SEPTIN10: variants seen among roughly 807,000 people sequenced by gnomAD.
SEPTIN10 encodes septin 10.
Under a neutral mutation model 54.8 loss-of-function variants are expected in SEPTIN10, and 66 were observed. That is an observed-to-expected ratio of 1.21 (90% CI 0.99 to 1.48). The LOEUF is 1.48. Ranked by LOEUF, SEPTIN10 falls within the 40% of genes most tolerant of loss-of-function variation. SEPTIN10 has a pLI of 0.00. For synonymous variants in SEPTIN10, 161 were observed against 181.0 expected (o/e 0.89, Z 0.89); for missense variants, 620 against 545.6 (o/e 1.14, Z -1.36).
intron 9 of SEPTIN10, among the ~76,000 whole-genome samples, chr2:109,550,297 C>CAAA (rs1317740438): frequency 1.3e-5 from 2 of 148,564 alleles, no homozygotes; most frequent in Non-Finnish European, 3.0e-5. Context: ...TCTCAAAAAA[C>CAAA]AAAAAAAAAG....
intron 1 of SEPTIN10, among the ~76,000 whole-genome samples, chr2:109,594,206 G>A (rs964608343): frequency 3.3e-5 from 5 of 152,096 alleles, no homozygotes; most frequent in African/African-American, 9.6e-5. Flanking sequence ...TCCTACTTCT[G>A]AATACAGCAC....
At chr2:109,564,824 T>C (rs1194602468) in intron 7 of SEPTIN10, among the ~76,000 whole-genome samples, 1 of 152,224 alleles carries the variant, frequency 6.6e-6, no homozygotes, top group Non-Finnish European at 1.5e-5. Flanking sequence ...GTTAACCAAG[T>C]GTTCTAGTTA....
chr2:109,607,234 C>T (rs2043462), intron 1 of SEPTIN10, among the ~76,000 whole-genome samples: 69,340 of 151,926 alleles, frequency 0.46, 16,245 homozygotes, highest in African/African-American at 0.56. Context: ...TGGAGTAAGA[C>T]TACAGTCTCC....
At chr2:109,544,602 TA>T (rs1469839055) in intron 10 of SEPTIN10, 1 of 964,402 alleles carries the variant, frequency 1.0e-6, no homozygotes, top group Non-Finnish European at 1.2e-6. Context: ...ATCTTTCATA[TA>T]GGGGAAAAAA....
At chr2:109,612,916 T>C (rs56360441) in intron 1 of SEPTIN10, among the ~76,000 whole-genome samples, 6,818 of 152,310 alleles carry the variant, frequency 0.045, 533 homozygotes, top group African/African-American at 0.16. Context: ...CTGAACTGTT[T>C]CTACAATTTA....
intron 4 of SEPTIN10, among the ~76,000 whole-genome samples, chr2:109,580,481 A>C (rs970444169): frequency 1.3e-5 from 2 of 151,906 alleles, no homozygotes; most frequent in Admixed American, 6.6e-5. Flanking sequence ...AAACAAAAAA[A>C]CCACAACAAA....
At chr2:109,571,640 A>C (rs1453219913) in intron 5 of SEPTIN10, among the ~76,000 whole-genome samples, 16 of 152,234 alleles carry the variant, frequency 1.1e-4, no homozygotes. Flanking sequence ...CTTGCTGACT[A>C]AAATGTAGTT....
intron 2 of SEPTIN10, among the ~76,000 whole-genome samples, chr2:109,589,873 T>C (rs1031947054): frequency 2.0e-5 from 3 of 152,032 alleles, no homozygotes; most frequent in Admixed American, 1.3e-4. Flanking sequence ...AAGTGGTGAA[T>C]AGATAAACAA....
At chr2:109,550,480 AT>A (rs1476646597) in intron 9 of SEPTIN10, among the ~76,000 whole-genome samples, 2 of 151,230 alleles carry the variant, frequency 1.3e-5, no homozygotes, top group Non-Finnish European at 3.0e-5. Flanking sequence ...TGCCTGGCTA[AT>A]TTTTGTATTT....
intron 1 of SEPTIN10, among the ~76,000 whole-genome samples, chr2:109,608,212 C>A (rs28616632): frequency 1.3e-5 from 2 of 152,112 alleles, no homozygotes; most frequent in Non-Finnish European, 2.9e-5. Flanking sequence ...ATATATGCAG[C>A]TAAGGAAAAA....
intron 5 of SEPTIN10, among the ~76,000 whole-genome samples, chr2:109,569,760 G>A (rs1165634437): frequency 6.6e-6 from 1 of 152,130 alleles, no homozygotes; most frequent in Non-Finnish European, 1.5e-5. Context: ...GCAGTAGACT[G>A]AATACTAAAC....
chr2:109,596,240 G>C (rs544825487), intron 1 of SEPTIN10, among the ~76,000 whole-genome samples: 1 of 152,250 alleles, frequency 6.6e-6, no homozygotes, highest in South Asian at 2.1e-4. Flanking sequence ...GTGGTTTTTA[G>C]TTTTTAATAT....
chr2:109,607,725 G>C (rs1256749507), intron 1 of SEPTIN10, among the ~76,000 whole-genome samples: 1 of 152,214 alleles, frequency 6.6e-6, no homozygotes, highest in South Asian at 2.1e-4. Flanking sequence ...AAAAGGCAAA[G>C]TTTAGTCTTT....
chr2:109,551,289 C>G (rs1331402217), intron 9 of SEPTIN10, among the ~76,000 whole-genome samples: 1 of 152,130 alleles, frequency 6.6e-6, no homozygotes, highest in Non-Finnish European at 1.5e-5. Context: ...ACAATATTGG[C>G]AAGGACATAT....
In SEPTIN10 at chr2:109,564,534, A is replaced by G. The variant is rs755363748; in HGVS notation, c.860T>C (p.Val287Ala). The G allele has an allele frequency of 2.7e-6, 4 of 1,497,358 alleles. No individual in the cohort carries two copies. Among genetic ancestry groups the G allele is most frequent in the African/African-American group, 2.8e-5 (2 of 71,692 alleles). The allele number at this position is 1,497,358 out of a possible 1,614,324, so 92.8% of individuals were successfully genotyped here. ...ARQYPWGVVQ[V>A]ENENHCDFVK... ...AAAGTCACAGTGGTTTTCATTTTCC[A>G]CTAGCCAAAAAAAAATAAGAAAAGA... The change falls in exon 8 of 11, where the codon GTG becomes GCG. Residue 287 changes from valine (V) to alanine (A), a missense_variant and splice_region_variant. By Grantham distance (64) the Val-to-Ala change is moderately conservative. Transcript: ENST00000397712.
In SEPTIN10 at chr2:109,543,674, A is replaced by G. The variant is rs1208045887; in HGVS notation, c.*635T>C. On this transcript the variant is annotated 3_prime_UTR_variant, in exon 11 of 11. Coordinates refer to ENST00000397712, the MANE Select transcript of SEPTIN10 (RefSeq NM_144710.5). Reference sequence around the variant, plus strand: ...GGGTTCTGTATTTTCAGTGGCACTGACTTCGCTCTTTGGTATAATGCACTG... The same window carrying G: ...GGGTTCTGTATTTTCAGTGGCACTGGCTTCGCTCTTTGGTATAATGCACTG... 1 of 152,710 alleles carries G rather than the reference A, an allele frequency of 6.5e-6. No homozygotes were observed. Among genetic ancestry groups the G allele is most frequent in the African/African-American group, 2.4e-5 (1 of 41,452 alleles). The allele number at this position is 152,710 out of a possible 1,614,324, so 9.5% of individuals were successfully genotyped here.
At chr2:109,605,839 C>T (rs1440863940) in intron 1 of SEPTIN10, 1 of 152,096 alleles carries the variant, frequency 6.6e-6, no homozygotes, top group African/African-American at 2.4e-5. Context: ...ACAGAGAGCC[C>T]CCAGAAATTC....
At chr2:109,564,100 T>A in intron 8 of SEPTIN10, 1 of 332,472 alleles carries the variant, frequency 3.0e-6, no homozygotes, top group Non-Finnish European at 5.4e-6. Flanking sequence ...CATGTCAGCA[T>A]GAACTGAAAC....
chr2:109,612,567 T>G (rs1012615317), intron 1 of SEPTIN10, among the ~76,000 whole-genome samples: 40 of 152,222 alleles, frequency 2.6e-4, no homozygotes, highest in African/African-American at 9.4e-4. Flanking sequence ...AAAGTTAGCC[T>G]CAAAGCAAAT....
Sources: allele counts gnomAD v4.1 joint callset (sites outside exome capture counted in the v4.1 genomes callset), GRCh38; gene constraint gnomAD v4.1.1; transcripts MANE v1.5; gene names NCBI Gene and HGNC (gene_info 2026-07-23, HGNC 2026-07-21).